DNAJC10: variants seen among roughly 807,000 people sequenced by gnomAD.
The protein encoded by DNAJC10 is DnaJ heat shock protein family (Hsp40) member C10.
In DNAJC10, 101 loss-of-function variants were observed where a neutral mutation model predicts 115.0. The observed-to-expected ratio is 0.88, with a 90% CI of 0.75 to 1.04. The LOEUF is 1.04. Among genes scored for constraint, DNAJC10 ranks in the 50% least tolerant of loss-of-function variants. The probability of loss-of-function intolerance (pLI) is 0.00; values close to 1 mark genes in which losing one functional copy is unlikely to be tolerated. For synonymous variants in DNAJC10, 307 were observed against 301.5 expected (o/e 1.02, Z -0.19); for missense variants, 981 against 928.8 (o/e 1.06, Z -0.73).
intron 5 of DNAJC10, among the ~76,000 whole-genome samples, chr2:182,725,116 C>T (rs1693250384): frequency 6.6e-6 from 1 of 152,144 alleles, no homozygotes. Context: ...CAGTGATCTA[C>T]AGTCAGTGAT....
At chr2:182,750,304 C>G (rs1369674466) in intron 14 of DNAJC10, among the ~76,000 whole-genome samples, 1 of 152,070 alleles carries the variant, frequency 6.6e-6, no homozygotes, top group Non-Finnish European at 1.5e-5. Flanking sequence ...TAGGTTATTG[C>G]AGAAGGCCAG....
intron 5 of DNAJC10, among the ~76,000 whole-genome samples, chr2:182,726,482 GTTTTGACTCCAA>G (rs1693286241): frequency 1.3e-5 from 2 of 152,102 alleles, no homozygotes; most frequent in Admixed American, 1.3e-4. Context: ...TTTGAGGCCA[GTTTTGACTCCAA>G]TTTTGAAAGA....
chr2:182,752,427 A>G, intron 16 of DNAJC10: 2 of 345,026 alleles, frequency 5.8e-6, no homozygotes, highest in East Asian at 1.3e-4. Context: ...AACTCAGGCA[A>G]CTATTTTCAT....
chr2:182,765,711 T>A (rs575920498), intron 22 of DNAJC10, among the ~76,000 whole-genome samples: 1 of 152,280 alleles, frequency 6.6e-6, no homozygotes, highest in South Asian at 2.1e-4. Flanking sequence ...GAGAGCCCCA[T>A]ATTCCCCGTT....
chr2:182,739,554 T>C, intron 11 of DNAJC10: 1 of 1,222,642 alleles, frequency 8.2e-7, no homozygotes, highest in Non-Finnish European at 1.0e-6. Flanking sequence ...GCTGCTTCAT[T>C]GAGAGAATCA....
rs370869304 is a variant in DNAJC10 at position 182,739,818 on chromosome 2, A to C, written c.988-481A>C. ...ATTTTCCACTTCTAAGTTCCTCTTA[A>C]TTAATCTTAATTATTGGTTGGGGAA... On this transcript the variant is annotated intron_variant, in intron 11 of 23. Coordinates refer to ENST00000264065, the MANE Select transcript of DNAJC10 (RefSeq NM_018981.4). 33 of 993,138 alleles carry C rather than the reference A, an allele frequency of 3.3e-5. No homozygotes were observed. The East Asian group carries it at 8.8e-4, about 26-fold the overall frequency. 61.5% of individuals were successfully genotyped at this position (993,138 alleles called of 1,614,324 possible).
At chr2:182,771,457 T>A (rs1694561585) in intron 22 of DNAJC10, among the ~76,000 whole-genome samples, 1 of 152,222 alleles carries the variant, frequency 6.6e-6, no homozygotes, top group South Asian at 2.1e-4. Flanking sequence ...CTTCTGGTCC[T>A]GGACTTTTTT....
intron 5 of DNAJC10, among the ~76,000 whole-genome samples, chr2:182,722,967 A>G (rs1207923732): frequency 3.3e-5 from 5 of 151,816 alleles, no homozygotes; most frequent in African/African-American, 7.3e-5. Flanking sequence ...TATGTTTTTC[A>G]TATATTATCG....
rs1005543226 is a variant in DNAJC10, at chr2:182,778,983, G to C, written c.*1851G>C. 6.6e-6 allele frequency: 1 copy of C among 152,172 alleles called. No individual in the cohort carries two copies. The highest frequency in any genetic ancestry group is 2.4e-5 in the African/African-American group (1 of 41,436). 9.4% of individuals were successfully genotyped at this position (152,172 alleles called of 1,614,324 possible). On this transcript the variant is annotated 3_prime_UTR_variant, in exon 24 of 24. Transcript: ENST00000264065. ...CATGGTCCCCATCTTCCAACTGTCT[G>C]TAATTCACTGTTTTGTCATTGAGCT...
In DNAJC10 at chr2:182,756,482, T is replaced by C; in HGVS notation, c.1809+13T>C. The C allele has an allele frequency of 1.3e-6, 2 of 1,598,138 alleles. No individual in the cohort carries two copies. Among genetic ancestry groups the C allele is most frequent in the Non-Finnish European group, 1.7e-6 (2 of 1,174,528 alleles). On this transcript the variant is annotated intron_variant, in intron 18 of 23. Transcript: ENST00000264065. ...AAGAATGGCCCGGGTATAGTAAAAA[T>C]AGTTTATTTTAAATCTTAACATTTA...
chr2:182,761,105 A>T (rs557893067), intron 21 of DNAJC10, among the ~76,000 whole-genome samples: 3 of 152,312 alleles, frequency 2.0e-5, no homozygotes, highest in South Asian at 4.1e-4. Flanking sequence ...AAGGAAGATG[A>T]AAAGAAAGAA....
In DNAJC10 at chr2:182,761,868, T is replaced by C. The variant is rs141682153; in HGVS notation, c.2146-814T>C. On this transcript the variant is annotated intron_variant, in intron 21 of 23. Coordinates refer to ENST00000264065, the MANE Select transcript of DNAJC10 (RefSeq NM_018981.4). ...AAGATGGAACTCTGATTGGATATTA[T>C]AACTTGAGGGGCAGGTAAAGGAGAT... Among the ~76,000 whole-genome samples the C allele has an allele frequency of 1.6e-4, 25 of 152,116 alleles. 1 individual carries two copies. In the East Asian group the frequency reaches 4.6e-3, roughly 28 times the overall value.
intron 4 of DNAJC10, 98 bp downstream of exon 4, chr2:182,720,267 A>G (rs995092496): frequency 1.0e-6 from 1 of 981,294 alleles, no homozygotes; most frequent in South Asian, 1.5e-5. Context: ...AAGATGCGTC[A>G]CTTTGATTAG....
At chr2:182,740,429 C>G (rs758032434) in intron 12 of DNAJC10, 41 bp downstream of exon 12, 3 of 1,518,740 alleles carry the variant, frequency 2.0e-6, no homozygotes, top group African/African-American at 1.4e-5. Flanking sequence ...AATGAATGTT[C>G]GTAACATTTC....
rs148890294 is a variant in DNAJC10 at position 182,735,330 on chromosome 2, TG to T, written c.850-918del. 4.5e-3 allele frequency among the ~76,000 whole-genome samples: 688 copies of T among 152,104 alleles called. 4 individuals carry two copies. The highest frequency in any genetic ancestry group is 0.016 in the African/African-American group (652 of 41,554). ...TGCTGTTATGTATTCTAATCAAATA[TG>T]TTTTTTTCTAAGTTCTGTCTTAAAT... is the stretch of plus-strand genomic sequence containing the variant. On this transcript the variant is annotated intron_variant, in intron 10 of 23. Coordinates refer to ENST00000264065, the MANE Select transcript of DNAJC10 (RefSeq NM_018981.4).
At chr2:182,771,408 G>A (rs952055236) in intron 22 of DNAJC10, among the ~76,000 whole-genome samples, 2 of 152,156 alleles carry the variant, frequency 1.3e-5, no homozygotes, top group African/African-American at 2.4e-5. Flanking sequence ...AATGGTACCA[G>A]CTCCTCTTTG....
chr2:182,752,014 A>AT, intron 15 of DNAJC10, 58 bp from the exon 16 acceptor site: 10 of 1,377,994 alleles, frequency 7.3e-6, no homozygotes, highest in Admixed American at 1.7e-5. Flanking sequence ...TGCAGAAATG[A>AT]TGGGGGGGTT....
chr2:182,718,903 T>G (rs938034414), intron 3 of DNAJC10, among the ~76,000 whole-genome samples: 2 of 152,114 alleles, frequency 1.3e-5, no homozygotes, highest in South Asian at 2.1e-4. Flanking sequence ...TTAGTGAGAT[T>G]TAGCGTTCAT....
chr2:182,752,179 CTG>C lies in DNAJC10; in HGVS notation c.1544_1545del (p.Cys515Ter), dbSNP rs1559015663. 1.3e-6 allele frequency: 2 copies of C among 1,514,030 alleles called. No individual in the cohort carries two copies. Among genetic ancestry groups the C allele is most frequent in the Non-Finnish European group, 1.8e-6 (2 of 1,116,390 alleles). 93.8% of individuals were successfully genotyped at this position (1,514,030 alleles called of 1,614,324 possible). On this transcript the variant is annotated frameshift_variant, in exon 16 of 24. Transcript: ENST00000264065. LOFTEE classifies it high-confidence loss of function. ...TLDCTVHEGL[C>X]NMYNIQAYPT... ...TAGATTGTACAGTTCATGAGGGACT[CTG>C]TAACATGGTAAGGCAAAGTATCAAA... is the stretch of plus-strand genomic sequence containing the variant.
Sources: allele counts gnomAD v4.1 joint callset (sites outside exome capture counted in the v4.1 genomes callset), GRCh38; gene constraint gnomAD v4.1.1; transcripts MANE v1.5; gene names NCBI Gene and HGNC (gene_info 2026-07-23, HGNC 2026-07-21).